The following DLGAP1 variants were observed in gnomAD, a reference collection of about 807,000 sequenced individuals.
The protein encoded by DLGAP1 is disks large-associated protein 1.
In DLGAP1, 11 loss-of-function variants were observed where a neutral mutation model predicts 90.8. That is an observed-to-expected ratio of 0.12 (90% confidence interval 0.08 to 0.20). The LOEUF is 0.20. DLGAP1 is among the 10% of genes least tolerant of loss of function. The pLI, the probability that DLGAP1 is intolerant of heterozygous loss-of-function variation, is 1.00. For synonymous variants in DLGAP1, 558 were observed against 540.7 expected (o/e 1.03, Z -0.44); for missense variants, 1,050 against 1,333.8 (o/e 0.79, Z 3.31).
chr18:4,271,281 T>C (rs1423620604), intron 1 of DLGAP1, among the ~76,000 whole-genome samples: 1 of 152,218 alleles, frequency 6.6e-6, no homozygotes, highest in African/African-American at 2.4e-5. Flanking sequence ...CTTCTAATGA[T>C]TGTTAATCAT....
chr18:4,254,126 A>T (rs913651784), intron 1 of DLGAP1, among the ~76,000 whole-genome samples: 3 of 152,232 alleles, frequency 2.0e-5, no homozygotes, highest in African/African-American at 7.2e-5. Flanking sequence ...AGTAAGAACA[A>T]GACTCATCCA....
intron 3 of DLGAP1, among the ~76,000 whole-genome samples, chr18:4,003,237 A>G (rs1458121882): frequency 6.6e-6 from 1 of 152,140 alleles, no homozygotes; most frequent in Non-Finnish European, 1.5e-5. Flanking sequence ...TTGTAGTTGG[A>G]TCCTCTGCTC....
intron 7 of DLGAP1, among the ~76,000 whole-genome samples, chr18:3,667,178 A>G (rs1313540242): frequency 6.6e-6 from 1 of 152,098 alleles, no homozygotes; most frequent in Non-Finnish European, 1.5e-5. Context: ...CCCAGACTCA[A>G]GCGATTCTCT....
At chr18:4,340,876 A>C (rs1416756441) in intron 1 of DLGAP1, among the ~76,000 whole-genome samples, 1 of 152,178 alleles carries the variant, frequency 6.6e-6, no homozygotes, top group Non-Finnish European at 1.5e-5. Context: ...CTCTCTGAAT[A>C]AATCTGCCAA....
intron 1 of DLGAP1, among the ~76,000 whole-genome samples, chr18:4,360,011 T>C (rs1204217798): frequency 6.6e-6 from 1 of 152,190 alleles, no homozygotes; most frequent in East Asian, 1.9e-4. Context: ...AGGTAATGAA[T>C]AGTGACTTAT....
intron 3 of DLGAP1, 26 bp from the exon 4 acceptor site, chr18:3,880,166 G>A (rs970016357): frequency 4.5e-6 from 5 of 1,099,234 alleles, no homozygotes; most frequent in Non-Finnish European, 6.6e-6. Context: ...AAAGGGCAAA[G>A]TCGTTAACAT....
intron 7 of DLGAP1, among the ~76,000 whole-genome samples, chr18:3,707,171 A>G (rs1190363068): frequency 6.6e-6 from 1 of 152,184 alleles, no homozygotes; most frequent in Non-Finnish European, 1.5e-5. Context: ...TTATATCTTA[A>G]TATTTCATGA....
At chr18:3,648,972 C>T (rs1267599012) in intron 7 of DLGAP1, among the ~76,000 whole-genome samples, 1 of 152,172 alleles carries the variant, frequency 6.6e-6, no homozygotes, top group Non-Finnish European at 1.5e-5. Context: ...GTGCTCAAGG[C>T]CGCTTATTCA....
intron 2 of DLGAP1, among the ~76,000 whole-genome samples, chr18:4,009,608 G>C (rs1049384713): frequency 1.3e-5 from 2 of 152,224 alleles, no homozygotes; most frequent in African/African-American, 4.8e-5. Context: ...GCCCATGGCA[G>C]GATAGGGTTC....
chr18:4,439,395 C>CT (rs1172166569), intron 1 of DLGAP1, among the ~76,000 whole-genome samples: 1 of 152,170 alleles, frequency 6.6e-6, no homozygotes, highest in Non-Finnish European at 1.5e-5. Flanking sequence ...AGCCATTGAG[C>CT]TTTGTTATTT....
intron 2 of DLGAP1, among the ~76,000 whole-genome samples, chr18:4,031,868 G>C (rs1020041561): frequency 6.6e-6 from 1 of 152,124 alleles, no homozygotes. Context: ...GAGCAACTTT[G>C]AAAAATCATA....
At chr18:4,359,533 A>T (rs1388886860) in intron 1 of DLGAP1, among the ~76,000 whole-genome samples, 1 of 152,152 alleles carries the variant, frequency 6.6e-6, no homozygotes, top group Non-Finnish European at 1.5e-5. Flanking sequence ...TTAAATATTC[A>T]TTTCTGAAGG....
At chr18:3,870,291 G>C (rs1042378574) in intron 4 of DLGAP1, among the ~76,000 whole-genome samples, 9 of 152,064 alleles carry the variant, frequency 5.9e-5, no homozygotes, top group Non-Finnish European at 1.0e-4. Flanking sequence ...AGAGCAAGTG[G>C]CCATACATAT....
chr18:3,645,359 A>C (rs2059082768), intron 7 of DLGAP1, among the ~76,000 whole-genome samples: 1 of 144,772 alleles, frequency 6.9e-6, no homozygotes, highest in African/African-American at 2.7e-5. Context: ...TTTAATACAG[A>C]AAATGAAAAT....
intron 4 of DLGAP1, among the ~76,000 whole-genome samples, chr18:3,846,246 C>A (rs926916605): frequency 6.6e-6 from 1 of 152,186 alleles, no homozygotes; most frequent in African/African-American, 2.4e-5. Flanking sequence ...AAGGACAATA[C>A]AATTTCAGTA....
At chr18:4,336,335 C>A (rs1379170104) in intron 1 of DLGAP1, among the ~76,000 whole-genome samples, 1 of 152,198 alleles carries the variant, frequency 6.6e-6, no homozygotes, top group Non-Finnish European at 1.5e-5. Flanking sequence ...GACAGCTGAT[C>A]TGGAAAGTCT....
intron 3 of DLGAP1, among the ~76,000 whole-genome samples, chr18:3,935,608 C>G (rs2072618603): frequency 6.6e-6 from 1 of 152,154 alleles, no homozygotes; most frequent in Admixed American, 6.5e-5. Context: ...ATCTGCTATT[C>G]TTGTTTGCCT....
intron 2 of DLGAP1, among the ~76,000 whole-genome samples, chr18:4,044,576 A>G (rs1018117836): frequency 1.3e-5 from 2 of 151,960 alleles, no homozygotes; most frequent in Non-Finnish European, 1.5e-5. Context: ...CCCTGTCTCT[A>G]CTAAAAATAC....
intron 7 of DLGAP1, among the ~76,000 whole-genome samples, chr18:3,629,597 G>A (rs370931365): frequency 3.9e-4 from 60 of 152,096 alleles, no homozygotes; most frequent in Middle Eastern, 6.8e-3. Flanking sequence ...GCGTGAACCC[G>A]GGAGGCGGAG....
Sources: allele counts gnomAD v4.1 joint callset (sites outside exome capture counted in the v4.1 genomes callset), GRCh38; gene constraint gnomAD v4.1.1; transcripts MANE v1.5; gene names NCBI Gene and HGNC (gene_info 2026-07-23, HGNC 2026-07-21).